CHEK1: variants seen among roughly 807,000 people sequenced by gnomAD.
The protein encoded by CHEK1 is serine/threonine-protein kinase Chk1.
A neutral mutation model predicts 60.2 loss-of-function variants in CHEK1; 32 were observed. That is an observed-to-expected ratio of 0.53 (90% CI 0.40 to 0.71). CHEK1 has a LOEUF of 0.71. CHEK1 is among the 30% of genes least tolerant of loss of function. The pLI, the probability that CHEK1 is intolerant of heterozygous loss-of-function variation, is 0.00. For missense variants in CHEK1, 399 were observed against 564.6 expected, an observed-to-expected ratio of 0.71 and a Z score of 2.97; for synonymous variants, 179 against 187.2, an observed-to-expected ratio of 0.96 and a Z score of 0.36.
intron 11 of CHEK1, among the ~76,000 whole-genome samples, chr11:125,648,095 T>C (rs1941564191): frequency 8.3e-6 from 1 of 120,476 alleles, no homozygotes; most frequent in African/African-American, 3.1e-5. Flanking sequence ...CTAGGTTAAA[T>C]GTAATCCTGT....
At chr11:125,637,363 C>G in intron 7 of CHEK1, 86 bp from the exon 8 acceptor site, 1 of 938,518 alleles carries the variant, frequency 1.1e-6, no homozygotes, top group Non-Finnish European at 1.6e-6. Context: ...CATAAGTAGG[C>G]TAACAGAAAA....
intron 11 of CHEK1, among the ~76,000 whole-genome samples, chr11:125,647,025 T>C (rs1941530870): frequency 6.6e-6 from 1 of 152,192 alleles, no homozygotes; most frequent in South Asian, 2.1e-4. Context: ...GTGTCAAATT[T>C]AAGAAACTGT....
At chr11:125,672,800 T>G in intron 13 of CHEK1, 1 of 1,542,140 alleles carries the variant, frequency 6.5e-7, no homozygotes, top group Non-Finnish European at 8.8e-7. Context: ...AGTGTCTCCA[T>G]GCAGGATGGT....
intron 11 of CHEK1, 98 bp downstream of exon 11, chr11:125,644,741 G>T: frequency 7.5e-7 from 1 of 1,338,886 alleles, no homozygotes; most frequent in Non-Finnish European, 1.0e-6. Flanking sequence ...ATAGGCTGTG[G>T]CTCACACCTG....
chr11:125,677,818 G>T, downstream of CHEK1: 1 of 1,614,108 alleles, frequency 6.2e-7, no homozygotes, highest in Non-Finnish European at 8.5e-7. Flanking sequence ...CTTGAAATTG[G>T]TGCACCTGAA....
At chr11:125,637,989 C>A (rs1425792854) in intron 8 of CHEK1, among the ~76,000 whole-genome samples, 3 of 152,176 alleles carry the variant, frequency 2.0e-5, no homozygotes, top group Non-Finnish European at 4.4e-5. Context: ...TGCTTTAGCA[C>A]AGTATATGGT....
downstream of CHEK1, chr11:125,680,983 C>T (rs1489303299): frequency 3.8e-6 from 2 of 521,998 alleles, no homozygotes; most frequent in Non-Finnish European, 6.8e-6. Context: ...CCTTAGCAAC[C>T]CACTGCTTAT....
rs1042162113 is a variant in CHEK1 at position 125,671,912 on chromosome 11, C to G, written c.*28-4016C>G. On this transcript the variant is annotated intron_variant, in intron 13 of 13. Coordinates refer to the CHEK1 transcript ENST00000428830. ...TTAGTATTTCCATTTGCCCTCCTAT[C>G]CTGTATAGATGATTCAGTAACATTG... The G allele has an allele frequency of 2.0e-5, 3 of 152,160 alleles. No homozygotes were observed. In the East Asian group the frequency reaches 5.8e-4, roughly 29 times the overall value. The allele number at this position is 152,160 out of a possible 1,614,324, so 9.4% of individuals were successfully genotyped here.
chr11:125,677,780 A>G (rs1019922543), downstream of CHEK1: 7 of 1,612,088 alleles, frequency 4.3e-6, no homozygotes, highest in Non-Finnish European at 5.9e-6. Flanking sequence ...ACTGGCACCC[A>G]TCCAAACATG....
chr11:125,627,353 CTCAA>C (rs573542940), intron 2 of CHEK1, among the ~76,000 whole-genome samples: 204 of 152,320 alleles, frequency 1.3e-3, no homozygotes, highest in African/African-American at 4.7e-3. Flanking sequence ...TTAGAATTAT[CTCAA>C]TCTATTTTAT....
intron 13 of CHEK1, among the ~76,000 whole-genome samples, chr11:125,674,669 C>T (rs183075587): frequency 3.3e-5 from 5 of 152,310 alleles, no homozygotes; most frequent in African/African-American, 1.2e-4. Flanking sequence ...CCTGAAGAAG[C>T]GCTTTGACCA....
rs758402575 is a variant in CHEK1, at chr11:125,633,335, T to C, written c.597T>C (p.Thr199=). The part of the protein sequence containing the change: ...VDVWSCGIVL[T]AMLAGELPWD... ...TTTGGTCCTGTGGAATAGTACTTAC[T>C]GCAATGCTCGCTGGAGGTAAGAGCT... is the stretch of plus-strand genomic sequence containing the variant. The change falls in exon 6 of 13, where the codon ACT becomes ACC. Residue 199 remains threonine (T), a synonymous_variant. Coordinates refer to ENST00000438015, the MANE Select transcript of CHEK1 (RefSeq NM_001114122.3). 2.6e-6 allele frequency: 4 copies of C among 1,560,734 alleles called. No homozygotes were observed. In the South Asian group the frequency reaches 5.0e-5, roughly 19 times the overall value.
chr11:125,637,078 T>C (rs1941098447), intron 7 of CHEK1, among the ~76,000 whole-genome samples: 1 of 152,180 alleles, frequency 6.6e-6, no homozygotes, highest in African/African-American at 2.4e-5. Context: ...ATGTTCATTA[T>C]AAAACTGTGT....
At position 125,625,691 on chromosome 11, in the gene CHEK1, C is replaced by G. The variant is rs540517764; in HGVS notation, c.-342C>G. 1 of 628,144 alleles carries G rather than the reference C, an allele frequency of 1.6e-6. No individual in the cohort carries two copies. The highest frequency in any genetic ancestry group is 1.8e-5 in the African/African-American group (1 of 55,520). The allele number at this position is 628,144 out of a possible 1,614,324, so 38.9% of individuals were successfully genotyped here. On this transcript the variant is annotated 5_prime_UTR_variant, in exon 1 of 13. Transcript: ENST00000438015. ...GGCCTGGGCTTCCCCCAGCAGCGCT[C>G]GAGCACCGCCCAGTCGAGCCTCACA... is the stretch of plus-strand genomic sequence containing the variant.
rs367756024 is a variant in CHEK1 at position 125,639,382 on chromosome 11, CTTTT to C, written c.814+1855_814+1858del. 6.6e-5 allele frequency among the ~76,000 whole-genome samples: 7 copies of C among 106,380 alleles called. No individual in the cohort carries two copies. The East Asian group carries it at 1.1e-3, about 17-fold the overall frequency. 69.8% of individuals were successfully genotyped at this position (106,380 alleles called of 152,430 possible). A position where few individuals can be genotyped will look rare whatever the true frequency, so the allele number is the denominator to read the frequency against. On this transcript the variant is annotated intron_variant, in intron 8 of 12. Coordinates refer to ENST00000438015, the MANE Select transcript of CHEK1 (RefSeq NM_001114122.3). ...AATCACGTTTTTATAATACTTTTCT[CTTTT>C]TTTTTTTTTTTTTTTTGAGACAGGG...
chr11:125,629,662 C>T (rs1459504427), intron 5 of CHEK1, among the ~76,000 whole-genome samples: 5 of 151,974 alleles, frequency 3.3e-5, no homozygotes, highest in Admixed American at 2.6e-4. Flanking sequence ...TTTTGCAATA[C>T]AAGTGCGGAT....
chr11:125,635,310 G>A (rs1329891074), intron 6 of CHEK1, 119 bp from the exon 7 acceptor site: 9 of 603,618 alleles, frequency 1.5e-5, no homozygotes, highest in Non-Finnish European at 1.9e-5. Flanking sequence ...GGGATTCTTA[G>A]TGTGAAAACC....
At chr11:125,680,225 A>T (rs746253823), downstream of CHEK1, among the ~76,000 whole-genome samples, 26 of 152,194 alleles carry the variant, frequency 1.7e-4, no homozygotes, top group Non-Finnish European at 2.8e-4. Flanking sequence ...TGAATGGGGG[A>T]TCCCAAAAGA....
chr11:125,629,333 TAGAG>T (rs1389576157), intron 4 of CHEK1, 37 bp downstream of exon 4: 12 of 1,612,622 alleles, frequency 7.4e-6, no homozygotes, highest in Admixed American at 3.3e-5. Flanking sequence ...TACTTAAAAT[TAGAG>T]TGAATACATT....
Sources: allele counts gnomAD v4.1 joint callset (sites outside exome capture counted in the v4.1 genomes callset), GRCh38; gene constraint gnomAD v4.1.1; transcripts MANE v1.5; gene names NCBI Gene and HGNC (gene_info 2026-07-23, HGNC 2026-07-21).